Variants in RBFOX1 observed in about 807,000 individuals in gnomAD.
The protein encoded by RBFOX1 is RNA binding fox-1 homolog 1.
In RBFOX1, 8 loss-of-function variants were observed where a neutral mutation model predicts 57.7. That is an observed-to-expected ratio of 0.14 (90% CI 0.08 to 0.25). The LOEUF (loss-of-function observed/expected upper bound fraction) is 0.25. Among genes scored for constraint, RBFOX1 ranks in the 10% least tolerant of loss-of-function variants. The probability of loss-of-function intolerance (pLI) is 1.00; values close to 1 mark genes in which losing one functional copy is unlikely to be tolerated. For missense variants in RBFOX1, 611 were observed against 548.5 expected, an observed-to-expected ratio of 1.11 and a Z score of -1.14; for synonymous variants, 326 against 222.4, an observed-to-expected ratio of 1.47 and a Z score of -4.15.
At chr16:7,395,088 AT>A (rs201886697) in intron 4 of RBFOX1, among the ~76,000 whole-genome samples, 4 of 151,246 alleles carry the variant, frequency 2.6e-5, no homozygotes, top group East Asian at 1.9e-4. Context: ...ATTCAAACCA[AT>A]TTTTTTTTCT....
intron 1 of RBFOX1, among the ~76,000 whole-genome samples, chr16:6,246,663 C>T (rs1159632808): frequency 6.6e-6 from 1 of 152,162 alleles, no homozygotes; most frequent in Admixed American, 6.5e-5. Context: ...TTAGATGTCA[C>T]AGTCATCTAT....
chr16:6,628,340 T>C (rs953501231), intron 2 of RBFOX1, among the ~76,000 whole-genome samples: 1 of 152,340 alleles, frequency 6.6e-6, no homozygotes, highest in East Asian at 1.9e-4. Flanking sequence ...ACCTAGAGTA[T>C]GTCCCAACAG....
intron 3 of RBFOX1, among the ~76,000 whole-genome samples, chr16:5,630,206 C>T (rs1194580956): frequency 6.6e-6 from 1 of 152,140 alleles, no homozygotes; most frequent in African/African-American, 2.4e-5. Context: ...CCTGTAATCC[C>T]AGGACTTTGG....
intron 4 of RBFOX1, among the ~76,000 whole-genome samples, chr16:7,324,467 G>A (rs903924754): frequency 1.3e-5 from 2 of 152,152 alleles, no homozygotes; most frequent in African/African-American, 2.4e-5. Context: ...GCCTCAGGGG[G>A]TATTTGTTTG....
At chr16:7,512,265 T>C (rs1245297384) in intron 4 of RBFOX1, among the ~76,000 whole-genome samples, 1 of 152,132 alleles carries the variant, frequency 6.6e-6, no homozygotes, top group African/African-American at 2.4e-5. Flanking sequence ...GTGCCTAGGA[T>C]TTGCTGTGAC....
intron 2 of RBFOX1, among the ~76,000 whole-genome samples, chr16:5,572,621 G>A (rs959039317): frequency 2.0e-5 from 3 of 152,188 alleles, no homozygotes; most frequent in East Asian, 3.8e-4. Flanking sequence ...TCTGTGCAGC[G>A]GGAAGAGAGA....
intron 3 of RBFOX1, among the ~76,000 whole-genome samples, chr16:6,833,122 T>C (rs918996476): frequency 1.3e-5 from 2 of 151,702 alleles, no homozygotes; most frequent in Admixed American, 1.3e-4. Flanking sequence ...TGTGGCACTT[T>C]CCTTTTTTTT....
At chr16:7,562,039 A>C (rs561989322) in intron 5 of RBFOX1, among the ~76,000 whole-genome samples, 1 of 152,244 alleles carries the variant, frequency 6.6e-6, no homozygotes, top group African/African-American at 2.4e-5. Flanking sequence ...ATACTGCAGG[A>C]GGAAAAGGTT....
chr16:6,382,454 T>G (rs2091902375), intron 2 of RBFOX1, among the ~76,000 whole-genome samples: 1 of 152,240 alleles, frequency 6.6e-6, no homozygotes, highest in African/African-American at 2.4e-5. Flanking sequence ...CGGTAGGTCT[T>G]CATCCTGCTC....
intron 3 of RBFOX1, among the ~76,000 whole-genome samples, chr16:7,040,996 A>C (rs149207896): frequency 2.6e-5 from 4 of 151,786 alleles, no homozygotes; most frequent in South Asian, 4.2e-4. Context: ...GCTCATTGCA[A>C]CGTCCACCTC....
chr16:7,297,195 C>A (rs559363648), intron 4 of RBFOX1, among the ~76,000 whole-genome samples: 1 of 151,936 alleles, frequency 6.6e-6, no homozygotes, highest in Non-Finnish European at 1.5e-5. Context: ...CTTGTAGGAA[C>A]AAAAAAGGAC....
At chr16:5,768,530 C>G (rs1334971261) in intron 3 of RBFOX1, among the ~76,000 whole-genome samples, 1 of 152,236 alleles carries the variant, frequency 6.6e-6, no homozygotes, top group East Asian at 1.9e-4. Context: ...TACCATTTTT[C>G]CAGTGTTTTC....
At chr16:7,346,814 C>T (rs1439126847) in intron 4 of RBFOX1, among the ~76,000 whole-genome samples, 1 of 152,126 alleles carries the variant, frequency 6.6e-6, no homozygotes, top group Non-Finnish European at 1.5e-5. Flanking sequence ...CATTCTGAAT[C>T]TCAAGAAACC....
At chr16:7,105,066 C>G (rs562694236) in intron 4 of RBFOX1, among the ~76,000 whole-genome samples, 9 of 152,252 alleles carry the variant, frequency 5.9e-5, no homozygotes, top group Admixed American at 1.3e-4. Flanking sequence ...ATTCTTCTAG[C>G]TGAGCCCTTT....
At position 5,537,199 on chromosome 16, in the gene RBFOX1, C is replaced by CAT. The variant is rs535373655; in HGVS notation, c.259-61694_259-61693dup. On this transcript the variant is annotated intron_variant, in intron 2 of 2. Coordinates refer to the RBFOX1 transcript ENST00000585867. ...CCTCACCAGCAGCATCTTTAATGTT[C>CAT]ATATATATATTAACAATCTGTTCAA... 2.3e-3 allele frequency among the ~76,000 whole-genome samples: 350 copies of CAT among 152,220 alleles called. 2 individuals are homozygous for CAT. The highest frequency in any genetic ancestry group is 8.1e-3 in the African/African-American group (335 of 41,520).
At chr16:6,273,263 A>C (rs1296320357) in intron 1 of RBFOX1, among the ~76,000 whole-genome samples, 10 of 152,054 alleles carry the variant, frequency 6.6e-5, no homozygotes, top group East Asian at 1.9e-4. Context: ...TGTTTTAAAA[A>C]AAAACAAAAC....
intron 14 of RBFOX1, 65 bp downstream of exon 14, chr16:7,676,903 A>T (rs2073440955): frequency 1.4e-6 from 2 of 1,474,344 alleles, no homozygotes; most frequent in African/African-American, 2.8e-5. Flanking sequence ...GGGAGAGGAG[A>T]TTCTTGTATG....
chr16:5,919,889 T>G (rs1597794067), intron 4 of RBFOX1, among the ~76,000 whole-genome samples: 1 of 152,346 alleles, frequency 6.6e-6, no homozygotes, highest in South Asian at 2.1e-4. Context: ...TCTGCCTTTT[T>G]TTTCACTGAG....
intron 1 of RBFOX1, among the ~76,000 whole-genome samples, chr16:5,362,199 T>C (rs532964967): frequency 2.1e-4 from 31 of 149,834 alleles, no homozygotes; most frequent in Non-Finnish European, 4.0e-4. Flanking sequence ...CACTGAAACT[T>C]TTTTTTTTTT....
Sources: allele counts gnomAD v4.1 joint callset (sites outside exome capture counted in the v4.1 genomes callset), GRCh38; gene constraint gnomAD v4.1.1; transcripts MANE v1.5; gene names NCBI Gene and HGNC (gene_info 2026-07-23, HGNC 2026-07-21).